DCAF10: variants seen among roughly 807,000 people sequenced by gnomAD.
DCAF10 encodes the protein DDB1 and CUL4 associated factor 10.
A neutral mutation model predicts 51.9 loss-of-function variants in DCAF10; 19 were observed. The observed-to-expected ratio is 0.37, with a 90% CI of 0.26 to 0.54. DCAF10 has a LOEUF of 0.54. Ranked by LOEUF, DCAF10 falls within the 20% of genes least tolerant of loss-of-function variation. The probability of loss-of-function intolerance (pLI) is 0.87; values close to 1 mark genes in which losing one functional copy is unlikely to be tolerated. For missense variants in DCAF10, 510 were observed against 730.6 expected (o/e 0.70, Z 3.48); for synonymous variants, 291 against 297.1 (o/e 0.98, Z 0.21).
chr9:37,867,452 T>C lies in DCAF10; in HGVS notation c.*5944T>C, dbSNP rs1032537855. 4 of 151,878 alleles carry C rather than the reference T, an allele frequency of 2.6e-5. No homozygotes were observed. The highest frequency in any genetic ancestry group is 4.4e-5 in the Non-Finnish European group (3 of 67,994). The allele number at this position is 151,878 out of a possible 1,614,324, so 9.4% of individuals were successfully genotyped here. A position where few individuals can be genotyped will look rare whatever the true frequency, so the allele number is the denominator to read the frequency against. On this transcript the variant is annotated 3_prime_UTR_variant, in exon 7 of 7. Coordinates refer to ENST00000377724, the MANE Select transcript of DCAF10 (RefSeq NM_024345.5). ...TTGCCCAACTGTGTTTCCTGATAAA[T>C]TTTAGATTCACATTTTTAGGAAATT...
At chr9:37,835,199 T>C (rs1320993427) in intron 2 of DCAF10, among the ~76,000 whole-genome samples, 4 of 150,910 alleles carry the variant, frequency 2.7e-5, no homozygotes, top group Non-Finnish European at 5.9e-5. Flanking sequence ...CTTTGGGAGG[T>C]CGAAGTGGGC....
chr9:37,830,970 C>G (rs1209554426), intron 2 of DCAF10, among the ~76,000 whole-genome samples: 1 of 152,184 alleles, frequency 6.6e-6, no homozygotes, highest in Non-Finnish European at 1.5e-5. Flanking sequence ...TGCCTGTAAT[C>G]CCAGCACTTT....
chr9:37,837,845 C>CA (rs111802269), intron 2 of DCAF10, among the ~76,000 whole-genome samples: 18,917 of 133,602 alleles, frequency 0.14, 1,267 homozygotes, highest in Non-Finnish European at 0.18. Flanking sequence ...GCTTGTGTGT[C>CA]AAAAAAAAAA....
At chr9:37,842,510 GAAA>G (rs1294955688) in intron 3 of DCAF10, among the ~76,000 whole-genome samples, 6 of 152,126 alleles carry the variant, frequency 3.9e-5, no homozygotes, top group Non-Finnish European at 7.4e-5. Flanking sequence ...AGTTAATGAT[GAAA>G]ACTGGCTTAT....
At chr9:37,811,215 C>G (rs931142888) in intron 1 of DCAF10, among the ~76,000 whole-genome samples, 1 of 152,094 alleles carries the variant, frequency 6.6e-6, no homozygotes, top group Non-Finnish European at 1.5e-5. Context: ...GCCTGCCATA[C>G]TAGCTACTCT....
rs1322653131 is a variant in DCAF10 at position 37,863,457 on chromosome 9, A to C, written c.*1949A>C. On this transcript the variant is annotated 3_prime_UTR_variant, in exon 7 of 7. Transcript: ENST00000377724. ...ATTTTAGAGGTGGAAAATACCTTAG[A>C]ATGGAATCATTTGCATTATTTGACA... The C allele has an allele frequency of 6.6e-6, 1 of 152,176 alleles. No individual in the cohort carries two copies. The highest frequency in any genetic ancestry group is 2.4e-5 in the African/African-American group (1 of 41,438). The allele number at this position is 152,176 out of a possible 1,614,324, so 9.4% of individuals were successfully genotyped here.
intron 2 of DCAF10, among the ~76,000 whole-genome samples, chr9:37,822,404 G>GATATATATATATATATATATATAT (rs59549239): frequency 3.2e-5 from 4 of 124,628 alleles, no homozygotes; most frequent in Admixed American, 8.4e-5. Context: ...AAGAAACTGT[G>GATATATATATATATATATATATAT]ATATATATAT....
At position 37,801,166 on chromosome 9, in the gene DCAF10, A is replaced by T. The variant is rs1387456281; in HGVS notation, c.300A>T (p.Pro100=). 1.3e-6 allele frequency: 2 copies of T among 1,539,004 alleles called. No individual in the cohort carries two copies. Among genetic ancestry groups the T allele is most frequent in the East Asian group, 5.1e-5 (2 of 39,048 alleles). The stretch of plus-strand genomic sequence containing the variant: ...CCCCTCCGTGCCGGCGGCCCGGGCC[A>T]GACTGCAGGGCCAAGAGCCGGGGCC... The part of the protein sequence containing the change: ...PPSPPCRRPG[P]DCRAKSRGRH... Residue 100 remains proline (P), a synonymous_variant, in exon 1 of 7, where the codon CCA becomes CCT. Coordinates refer to ENST00000377724, the MANE Select transcript of DCAF10 (RefSeq NM_024345.5). The surrounding 1 kb of genome is among the most constrained non-coding windows in gnomAD (Gnocchi z 5.5).
chr9:37,860,102 G>C lies in DCAF10; in HGVS notation c.1220G>C (p.Ser407Thr). The C allele has an allele frequency of 6.2e-7, 1 of 1,614,128 alleles. No homozygotes were observed. The highest frequency in any genetic ancestry group is 1.1e-5 in the South Asian group (1 of 91,082). Residue 407 changes from serine (S) to threonine (T), a missense_variant, in exon 6 of 7, where the codon AGT (serine) becomes ACT (threonine). By Grantham distance (58) the Ser-to-Thr change is moderately conservative. Transcript: ENST00000377724. Reference sequence around the variant, plus strand: ...GTAACCCCTGAAGTTCTTGGTGAGAGTGACCACGGAAACTGCATCACGTCC... The same window carrying C: ...GTAACCCCTGAAGTTCTTGGTGAGACTGACCACGGAAACTGCATCACGTCC... ...EVVTPEVLGE[S>T]DHGNCITSLQ... is the part of the protein sequence containing the mutation.
In DCAF10 at chr9:37,855,222, C is replaced by T. The variant is rs183642822; in HGVS notation, c.1054+240C>T. On this transcript the variant is annotated intron_variant, in intron 4 of 6. Transcript: ENST00000377724. ...ATGGACTAGGAGGAATAACTGCTGA[C>T]CCTAAAGTATTTTCTTTTAGCTTTA... Among the ~76,000 whole-genome samples, 24 of 152,302 alleles carry T rather than the reference C, an allele frequency of 1.6e-4. No individual in the cohort carries two copies. In the South Asian group the frequency reaches 4.8e-3, roughly 30 times the overall value.
At chr9:37,826,479 C>T (rs982357876) in intron 2 of DCAF10, among the ~76,000 whole-genome samples, 3 of 152,146 alleles carry the variant, frequency 2.0e-5, no homozygotes, top group African/African-American at 7.2e-5. Context: ...GCTACTAATG[C>T]TATGACCCAG....
intron 3 of DCAF10, among the ~76,000 whole-genome samples, chr9:37,847,466 C>T (rs1830513624): frequency 6.6e-6 from 1 of 151,808 alleles, no homozygotes; most frequent in African/African-American, 2.4e-5. Flanking sequence ...AGGTCAAAAC[C>T]CATATGATAA....
chr9:37,857,104 C>T, intron 4 of DCAF10, 137 bp from the exon 5 acceptor site: 1 of 541,686 alleles, frequency 1.8e-6, no homozygotes, highest in Admixed American at 3.7e-5. Context: ...GTCTTGCCTT[C>T]CTCAGTCTTA....
intron 3 of DCAF10, among the ~76,000 whole-genome samples, chr9:37,848,891 T>C (rs1415928266): frequency 6.6e-6 from 1 of 150,576 alleles, no homozygotes; most frequent in African/African-American, 2.5e-5. Context: ...GAGAATTGCT[T>C]GAGTCCAGGA....
chr9:37,808,681 A>C, intron 1 of DCAF10, among the ~76,000 whole-genome samples: 1 of 105,746 alleles, frequency 9.5e-6, no homozygotes, highest in East Asian at 2.2e-4. Flanking sequence ...ATAATATAAA[A>C]TATAAATATA....
intron 3 of DCAF10, among the ~76,000 whole-genome samples, chr9:37,853,688 C>T (rs1024509221): frequency 2.0e-5 from 3 of 151,966 alleles, no homozygotes; most frequent in African/African-American, 7.3e-5. Context: ...CTCACTGCAC[C>T]GTCCACATCC....
chr9:37,860,766 G>A, intron 6 of DCAF10, among the ~76,000 whole-genome samples: 1 of 152,160 alleles, frequency 6.6e-6, no homozygotes, highest in East Asian at 1.9e-4. Context: ...TGAAAGGAGA[G>A]AAGAGAAGAG....
At chr9:37,842,334 T>C in intron 3 of DCAF10, 48 bp downstream of exon 3, 1 of 1,549,352 alleles carries the variant, frequency 6.5e-7, no homozygotes, top group Non-Finnish European at 8.7e-7. Flanking sequence ...AAACATTTTT[T>C]TTAAAGATGG....
At chr9:37,828,004 C>A (rs888655097) in intron 2 of DCAF10, among the ~76,000 whole-genome samples, 5 of 152,120 alleles carry the variant, frequency 3.3e-5, no homozygotes, top group African/African-American at 1.2e-4. Flanking sequence ...CCATTTCAGC[C>A]TCCCGAGTAG....
Sources: allele counts gnomAD v4.1 joint callset (sites outside exome capture counted in the v4.1 genomes callset), GRCh38; gene constraint gnomAD v4.1.1; non-coding constraint Gnocchi (gnomAD v3.1); transcripts MANE v1.5; gene names NCBI Gene and HGNC (gene_info 2026-07-23, HGNC 2026-07-21).